HAO1: variants seen among roughly 807,000 people sequenced by gnomAD.
HAO1 encodes the protein 2-Hydroxyacid oxidase 1.
In HAO1, 34 loss-of-function variants were observed where a neutral mutation model predicts 39.7. The observed-to-expected ratio is 0.86, with a 90% CI of 0.65 to 1.14. The LOEUF is 1.14. HAO1 is among the 50% of genes most tolerant of loss of function. The pLI, the probability that HAO1 is intolerant of heterozygous loss-of-function variation, is 0.00. For missense variants in HAO1, 479 were observed against 464.5 expected, an observed-to-expected ratio of 1.03 and a Z score of -0.29; for synonymous variants, 172 against 173.2, an observed-to-expected ratio of 0.99 and a Z score of 0.05.
rs1555774037 is a variant in HAO1, at chr20:7,909,381, A to ATATATG, written c.546-3053_546-3052insCATATA. On this transcript the variant is annotated intron_variant, in intron 3 of 7. Coordinates refer to ENST00000378789, the MANE Select transcript of HAO1 (RefSeq NM_017545.3). ...ATGACATATATATATATATATATGT[A>ATATATG]TATATATATATATATATATATATGC... 1.5e-3 allele frequency among the ~76,000 whole-genome samples: 108 copies of ATATATG among 72,940 alleles called. 2 individuals carry two copies. The highest frequency in any genetic ancestry group is 2.7e-3 in the African/African-American group (40 of 14,566). The allele number at this position is 72,940 out of a possible 152,430, so 47.9% of individuals were successfully genotyped here.
intron 3 of HAO1, among the ~76,000 whole-genome samples, chr20:7,908,999 A>G (rs2050262811): frequency 6.6e-6 from 1 of 152,176 alleles, no homozygotes; most frequent in African/African-American, 2.4e-5. Context: ...AAAGAAAAAG[A>G]AAAACATCTG....
chr20:7,913,059 T>G (rs1337953421), intron 3 of HAO1, among the ~76,000 whole-genome samples: 1 of 152,224 alleles, frequency 6.6e-6, no homozygotes, highest in Non-Finnish European at 1.5e-5. Flanking sequence ...AATATTAATT[T>G]GATTTTGGAT....
intron 2 of HAO1, among the ~76,000 whole-genome samples, chr20:7,925,621 T>C (rs1245349621): frequency 6.6e-6 from 1 of 152,164 alleles, no homozygotes; most frequent in Non-Finnish European, 1.5e-5. Flanking sequence ...GGCCTTTAAA[T>C]AATGGTTTTA....
At chr20:7,927,285 G>A (rs6118009) in intron 2 of HAO1, among the ~76,000 whole-genome samples, 3,242 of 152,052 alleles carry the variant, frequency 0.021, 125 homozygotes, top group African/African-American at 0.074. Context: ...ATATGTGTTA[G>A]CATTTATGTT....
intron 2 of HAO1, among the ~76,000 whole-genome samples, chr20:7,922,732 A>G (rs1272489279): frequency 6.6e-6 from 1 of 152,168 alleles, no homozygotes; most frequent in African/African-American, 2.4e-5. Context: ...GGCTGGCAGC[A>G]CTTGCATAGT....
At chr20:7,903,743 T>C (rs2050233377) in intron 4 of HAO1, among the ~76,000 whole-genome samples, 1 of 150,994 alleles carries the variant, frequency 6.6e-6, no homozygotes, top group Non-Finnish European at 1.5e-5. Flanking sequence ...GTGGTGGTGG[T>C]GGTCATGGTG....
Position 7,885,781 on chromosome 20 carries a change from A to G in HAO1, c.897T>C (p.Asp299=), listed in dbSNP as rs1600103812. ...CGCCAAGAGCCAGAGCTTTCAGAAC[A>G]TCAGTGCCTTTCCGCACACCCCCGT... The part of the protein sequence containing the change: ...FLDGGVRKGT[D]VLKALALGAK... The change falls in exon 6 of 8, where the codon GAT becomes GAC. Residue 299 remains aspartate (D), a synonymous_variant. Coordinates refer to ENST00000378789, the MANE Select transcript of HAO1 (RefSeq NM_017545.3). 2 of 1,613,492 alleles carry G rather than the reference A, an allele frequency of 1.2e-6. No homozygotes were observed. Among genetic ancestry groups the G allele is most frequent in the South Asian group, 2.2e-5 (2 of 91,072 alleles).
In HAO1 at chr20:7,897,091, G is replaced by A. The variant is rs199624510; in HGVS notation, c.722-1867C>T. Among the ~76,000 whole-genome samples the A allele has an allele frequency of 1.6e-4, 25 of 152,250 alleles. No individual in the cohort carries two copies. The South Asian group carries it at 3.1e-3, about 19-fold the overall frequency. On this transcript the variant is annotated intron_variant, in intron 4 of 7. Transcript: ENST00000378789. ...TGTGTGTGAATGACAATTGGATTGG[G>A]TATAATAATCTAAGTGGAAAAACCA... is the stretch of plus-strand genomic sequence containing the variant.
chr20:7,897,526 C>T (rs2122758976), intron 4 of HAO1, among the ~76,000 whole-genome samples: 1 of 152,108 alleles, frequency 6.6e-6, no homozygotes, highest in African/African-American at 2.4e-5. Context: ...TACTGCTCAG[C>T]CATTCAGTCA....
intron 3 of HAO1, among the ~76,000 whole-genome samples, chr20:7,910,620 T>G (rs1194722266): frequency 6.6e-6 from 1 of 152,130 alleles, no homozygotes; most frequent in Non-Finnish European, 1.5e-5. Context: ...TCTGACACTC[T>G]TGCTTCCCTC....
chr20:7,884,289 C>A (rs1021175912), intron 7 of HAO1, among the ~76,000 whole-genome samples: 32 of 152,062 alleles, frequency 2.1e-4, no homozygotes, highest in African/African-American at 7.2e-4. Context: ...GCAATCAAGA[C>A]AACAAAGCCC....
intron 1 of HAO1, among the ~76,000 whole-genome samples, chr20:7,937,020 G>T (rs1258918033): frequency 6.6e-6 from 1 of 151,976 alleles, no homozygotes; most frequent in African/African-American, 2.4e-5. Flanking sequence ...GGTTCAACTG[G>T]CAAACAGTTG....
intron 5 of HAO1, among the ~76,000 whole-genome samples, chr20:7,893,053 T>A (rs2050181274): frequency 6.6e-6 from 1 of 152,110 alleles, no homozygotes. Context: ...CATGACAAAA[T>A]CCACTTTATG....
At chr20:7,899,746 A>C (rs1388754591) in intron 4 of HAO1, among the ~76,000 whole-genome samples, 1 of 152,176 alleles carries the variant, frequency 6.6e-6, no homozygotes, top group African/African-American at 2.4e-5. Context: ...TTTAACACAG[A>C]GAGAAAAGCA....
chr20:7,916,947 T>C (rs190409382), intron 2 of HAO1, among the ~76,000 whole-genome samples: 143 of 152,314 alleles, frequency 9.4e-4, no homozygotes, highest in African/African-American at 3.2e-3. Flanking sequence ...TTTGGAAATG[T>C]GGAAAATAAA....
intron 7 of HAO1, 160 bp downstream of exon 7, chr20:7,885,361 C>T (rs2050145805): frequency 3.2e-6 from 2 of 623,000 alleles, no homozygotes; most frequent in Non-Finnish European, 5.8e-6. Context: ...AGAGACTGCA[C>T]ATGCAGAGTT....
At chr20:7,935,750 C>T (rs2122802056) in intron 1 of HAO1, among the ~76,000 whole-genome samples, 2 of 152,258 alleles carry the variant, frequency 1.3e-5, no homozygotes, top group Admixed American at 6.5e-5. Flanking sequence ...TACAGAAGAA[C>T]TAGTTCTCTT....
chr20:7,889,024 A>G (rs1453140874), intron 5 of HAO1, among the ~76,000 whole-genome samples: 1 of 152,200 alleles, frequency 6.6e-6, no homozygotes, highest in Non-Finnish European at 1.5e-5. Context: ...AGCCAAGACC[A>G]GAAAAACACT....
chr20:7,939,759 G>A (rs1302297647), intron 1 of HAO1, among the ~76,000 whole-genome samples: 2 of 152,172 alleles, frequency 1.3e-5, no homozygotes, highest in African/African-American at 2.4e-5. Flanking sequence ...CTTTGAAGGA[G>A]AGATGAAACA....
Sources: allele counts gnomAD v4.1 joint callset (sites outside exome capture counted in the v4.1 genomes callset), GRCh38; gene constraint gnomAD v4.1.1; transcripts MANE v1.5; gene names NCBI Gene and HGNC (gene_info 2026-07-23, HGNC 2026-07-21).